Variants in MECOM observed in about 807,000 individuals in gnomAD.
MECOM encodes histone-lysine N-methyltransferase MECOM.
In MECOM, 13 loss-of-function variants were observed where a neutral mutation model predicts 116.3. The observed-to-expected ratio is 0.11, with a 90% confidence interval of 0.07 to 0.18. The LOEUF (loss-of-function observed/expected upper bound fraction) is 0.18, where lower values mean the gene tolerates loss of function less well. MECOM is among the 10% of genes least tolerant of loss of function. The pLI is 1.00. For synonymous variants in MECOM, 528 were observed against 535.2 expected (o/e 0.99, Z 0.19); for missense variants, 1,299 against 1,509.0 (o/e 0.86, Z 2.31).
chr3:169,092,888 A>C, intron 14 of MECOM, 70 bp downstream of exon 14: 1 of 1,584,880 alleles, frequency 6.3e-7, no homozygotes, highest in Non-Finnish European at 8.6e-7. Context: ...AAAAGTGAGC[A>C]TAGCAAGTAT....
At chr3:169,299,109 A>G (rs1716191932) in intron 2 of MECOM, among the ~76,000 whole-genome samples, 1 of 152,146 alleles carries the variant, frequency 6.6e-6, no homozygotes, top group South Asian at 2.1e-4. Flanking sequence ...CTGATTTTTA[A>G]CAAATAGATC....
chr3:169,144,634 A>T (rs1560269732), intron 2 of MECOM, among the ~76,000 whole-genome samples: 1 of 152,208 alleles, frequency 6.6e-6, no homozygotes, highest in Non-Finnish European at 1.5e-5. Flanking sequence ...CTAAACAAAA[A>T]TTGAAGAGGG....
At chr3:169,661,108 G>C (rs963598471) in intron 1 of MECOM, among the ~76,000 whole-genome samples, 7 of 152,158 alleles carry the variant, frequency 4.6e-5, no homozygotes, top group African/African-American at 1.7e-4. Flanking sequence ...ATTTTAAGAC[G>C]GCATCGTATG....
intron 2 of MECOM, among the ~76,000 whole-genome samples, chr3:169,352,809 C>T (rs762510559): frequency 8.6e-5 from 13 of 151,832 alleles, no homozygotes; most frequent in Non-Finnish European, 1.3e-4. Context: ...TTTCTTGCAA[C>T]GAAGCTATTC....
chr3:169,202,512 G>A (rs1749296584), intron 2 of MECOM, among the ~76,000 whole-genome samples: 2 of 151,944 alleles, frequency 1.3e-5, no homozygotes, highest in Admixed American at 6.6e-5. Context: ...ACTAAATTCT[G>A]TATTATTTGT....
chr3:169,322,997 T>TTAAAAAAA (rs1270690613), intron 2 of MECOM, among the ~76,000 whole-genome samples: 3 of 56,048 alleles, frequency 5.4e-5, no homozygotes, highest in Admixed American at 2.0e-4. Flanking sequence ...AAGACTCCGG[T>TTAAAAAAA]AAAAAAAAAA....
intron 2 of MECOM, among the ~76,000 whole-genome samples, chr3:169,188,115 A>T (rs756152083): frequency 1.1e-4 from 16 of 152,164 alleles, no homozygotes; most frequent in Admixed American, 3.9e-4. Flanking sequence ...AAAAAAATTG[A>T]AAATCACATA....
At chr3:169,415,140 C>T (rs1449869133) in intron 1 of MECOM, among the ~76,000 whole-genome samples, 4 of 152,170 alleles carry the variant, frequency 2.6e-5, no homozygotes, top group Admixed American at 6.5e-5. Context: ...AGAGAAAGGT[C>T]AGGTTACACA....
chr3:169,299,339 G>T (rs59374771), intron 2 of MECOM, among the ~76,000 whole-genome samples: 1 of 152,040 alleles, frequency 6.6e-6, no homozygotes, highest in South Asian at 2.1e-4. Flanking sequence ...GCACACCCAC[G>T]CCAGAGCTCC....
At chr3:169,277,707 C>T (rs1033747512) in intron 2 of MECOM, among the ~76,000 whole-genome samples, 5 of 152,276 alleles carry the variant, frequency 3.3e-5, no homozygotes, top group South Asian at 2.1e-4. Context: ...TCAAGCCTTC[C>T]AATATTTATT....
At chr3:169,277,408 C>T (rs1759740114) in intron 2 of MECOM, among the ~76,000 whole-genome samples, 1 of 152,144 alleles carries the variant, frequency 6.6e-6, no homozygotes, top group Non-Finnish European at 1.5e-5. Context: ...GGTTCTAATT[C>T]TTCTGTTTCT....
chr3:169,286,565 T>C (rs1936955076), intron 2 of MECOM, among the ~76,000 whole-genome samples: 1 of 152,118 alleles, frequency 6.6e-6, no homozygotes, highest in Admixed American at 6.5e-5. Flanking sequence ...CAGGCCAAAA[T>C]AAAACTGCCA....
chr3:169,523,607 T>C (rs2109097103), intron 1 of MECOM, among the ~76,000 whole-genome samples: 1 of 152,212 alleles, frequency 6.6e-6, no homozygotes, highest in Middle Eastern at 3.4e-3. Flanking sequence ...CATGGAAGCA[T>C]GAAGGGCCCC....
intron 1 of MECOM, among the ~76,000 whole-genome samples, chr3:169,574,947 G>A (rs1002504299): frequency 3.9e-5 from 6 of 152,050 alleles, no homozygotes; most frequent in Non-Finnish European, 7.4e-5. Context: ...TAATCTTTCC[G>A]AAGCGCTGAT....
intron 2 of MECOM, among the ~76,000 whole-genome samples, chr3:169,251,724 G>A (rs1756261197): frequency 6.6e-6 from 1 of 152,100 alleles, no homozygotes; most frequent in African/African-American, 2.4e-5. Flanking sequence ...TTGGAACTTT[G>A]GAATATGTGT....
In MECOM at chr3:169,419,504, G is replaced by T. The variant is rs547980861; in HGVS notation, c.38-37980C>A. ...ACCTGACTTCAAACTATACTACAAG[G>T]CTACAGTAACCAAATCAGCATGGTA... On this transcript the variant is annotated intron_variant, in intron 1 of 16. Transcript: ENST00000651503. Among the ~76,000 whole-genome samples, 3 of 152,176 alleles carry T rather than the reference G, an allele frequency of 2.0e-5. No homozygotes were observed. The East Asian group carries it at 5.8e-4, about 29-fold the overall frequency.
chr3:169,461,122 G>A (rs1185216666), intron 1 of MECOM, among the ~76,000 whole-genome samples: 2 of 152,084 alleles, frequency 1.3e-5, no homozygotes, highest in African/African-American at 2.4e-5. Context: ...AGAACAGGGT[G>A]TATTGATATT....
intron 2 of MECOM, among the ~76,000 whole-genome samples, chr3:169,182,439 CTT>C (rs1324527257): frequency 6.6e-6 from 1 of 152,150 alleles, no homozygotes; most frequent in Non-Finnish European, 1.5e-5. Flanking sequence ...GCTGACCACA[CTT>C]TGAAAAAACA....
intron 2 of MECOM, among the ~76,000 whole-genome samples, chr3:169,223,404 T>C (rs972701457): frequency 1.3e-5 from 2 of 151,076 alleles, no homozygotes; most frequent in African/African-American, 4.9e-5. Flanking sequence ...TCTGTCCTTG[T>C]GATAGTTTGC....
Sources: allele counts gnomAD v4.1 joint callset (sites outside exome capture counted in the v4.1 genomes callset), GRCh38; gene constraint gnomAD v4.1.1; transcripts MANE v1.5; gene names NCBI Gene and HGNC (gene_info 2026-07-23, HGNC 2026-07-21).